The following CAMK1 variants were observed in gnomAD, a reference collection of about 807,000 sequenced individuals.
The protein encoded by CAMK1 is calcium/calmodulin-dependent protein kinase type 1.
A neutral mutation model predicts 49.1 loss-of-function variants in CAMK1; 39 were observed. The ratio of observed to expected loss-of-function variants is 0.79; its 90% CI spans 0.62 to 1.04. The LOEUF (loss-of-function observed/expected upper bound fraction) is 1.04, where lower values mean the gene tolerates loss of function less well. CAMK1 is among the 50% of genes least tolerant of loss of function. The pLI, the probability that CAMK1 is intolerant of heterozygous loss-of-function variation, is 0.00. For missense variants in CAMK1, 457 were observed against 472.2 expected, an observed-to-expected ratio of 0.97 and a Z score of 0.30; for synonymous variants, 192 against 185.2, an observed-to-expected ratio of 1.04 and a Z score of -0.30.
In CAMK1 at chr3:9,760,678, G is replaced by A; in HGVS notation, c.723C>T (p.Tyr241=). The change falls in exon 8 of 12, where the codon TAC becomes TAT. Residue 241 remains tyrosine (Y), a synonymous_variant. Transcript: ENST00000256460. ...TACCAGAGTCAGAGATGTCGTCCCA[G>A]TAAGGAGAGTCAAACTCGTACTCGG... The part of the protein sequence containing the change: ...LKAEYEFDSP[Y]WDDISDSAKD... The A allele has an allele frequency of 6.2e-7, 1 of 1,614,088 alleles. No homozygotes were observed. The highest frequency in any genetic ancestry group is 1.1e-5 in the South Asian group (1 of 91,090).
intron 5 of CAMK1, 152 bp from the exon 6 acceptor site, chr3:9,761,909 A>G: frequency 8.2e-7 from 1 of 1,218,190 alleles, no homozygotes. Flanking sequence ...GAAGCTCTCA[A>G]GAAGGCCAAA....
At position 9,768,875 on chromosome 3, in the gene CAMK1, G is replaced by A. The variant is rs2078229597; in HGVS notation, c.-33+957C>T. Among the ~76,000 whole-genome samples, 3 of 152,072 alleles carry A rather than the reference G, an allele frequency of 2.0e-5. No homozygotes were observed. The South Asian group carries it at 6.2e-4, about 32-fold the overall frequency. On this transcript the variant is annotated intron_variant, in intron 1 of 11. Transcript: ENST00000256460. Reference sequence around the variant, plus strand: ...AGGGGACCCTGCCCACCCATCCAGGGGCAGAATCTTCTAGGAAAGGAGACT... The same window carrying A: ...AGGGGACCCTGCCCACCCATCCAGGAGCAGAATCTTCTAGGAAAGGAGACT...
chr3:9,766,267 T>C, intron 2 of CAMK1: 2 of 705,310 alleles, frequency 2.8e-6, no homozygotes, highest in East Asian at 5.4e-5. Context: ...AATGGCCAAA[T>C]ATATTTCCTG....
At chr3:9,765,278 G>T (rs1267356068) in intron 3 of CAMK1, among the ~76,000 whole-genome samples, 1 of 151,998 alleles carries the variant, frequency 6.6e-6, no homozygotes, top group East Asian at 1.9e-4. Context: ...TCAGGGGAGA[G>T]ATTGGAAGTG....
At chr3:9,769,252 C>G (rs529437741) in intron 1 of CAMK1, among the ~76,000 whole-genome samples, 189 of 152,128 alleles carry the variant, frequency 1.2e-3, no homozygotes, top group Non-Finnish European at 2.0e-3. Context: ...CAGACACACA[C>G]ACACACACCC....
Position 9,766,617 on chromosome 3 carries a change from C to T in CAMK1, c.84-727G>A, listed in dbSNP as rs571149006. The T allele has an allele frequency of 7.1e-5, 74 of 1,040,720 alleles. No individual in the cohort carries two copies. In the Admixed American group the frequency reaches 1.5e-3, roughly 21 times the overall value. 64.5% of individuals were successfully genotyped at this position (1,040,720 alleles called of 1,614,324 possible). On this transcript the variant is annotated intron_variant, in intron 2 of 11. Transcript: ENST00000256460. The stretch of plus-strand genomic sequence containing the variant: ...AAGAAGCAGTGTTTTAGAACAGGTT[C>T]TTAAAAAGGAACAAATAAACTCATT...
chr3:9,764,628 GTTTTTT>G (rs55972033), intron 3 of CAMK1, among the ~76,000 whole-genome samples: 2 of 92,326 alleles, frequency 2.2e-5, no homozygotes, highest in African/African-American at 4.3e-5. Context: ...TTTTTTTTTT[GTTTTTT>G]TTTTTTTTTT....
In CAMK1 at chr3:9,760,781, A is replaced by G; in HGVS notation, c.633-13T>C. On this transcript the variant is annotated splice_polypyrimidine_tract_variant and intron_variant, in intron 7 of 11. Coordinates refer to ENST00000256460, the MANE Select transcript of CAMK1 (RefSeq NM_003656.5). ...GTAACCGCAGAGCCTGGGCAGGGAG[A>G]AACTCATCCTCATTTCCACTTTCGG... 4 of 1,613,872 alleles carry G rather than the reference A, an allele frequency of 2.5e-6. No homozygotes were observed. The highest frequency in any genetic ancestry group is 3.4e-6 in the Non-Finnish European group (4 of 1,179,846).
chr3:9,759,631 C>G (rs748549507), intron 9 of CAMK1, 41 bp downstream of exon 9: 1 of 1,613,994 alleles, frequency 6.2e-7, no homozygotes. Flanking sequence ...ACCTGAGGGC[C>G]CCAAATCCCG....
chr3:9,760,684 A>G lies in CAMK1; in HGVS notation c.717T>C (p.Ser239=). 6.2e-7 allele frequency: 1 copy of G among 1,614,066 alleles called. No individual in the cohort carries two copies. Among genetic ancestry groups the G allele is most frequent in the Non-Finnish European group, 8.5e-7 (1 of 1,179,982 alleles). The change falls in exon 8 of 12, where the codon TCT becomes TCC. Residue 239 remains serine, a synonymous_variant. Transcript: ENST00000256460. ...AGTCAGAGATGTCGTCCCAGTAAGG[A>G]GAGTCAAACTCGTACTCGGCCTTCA... ...QILKAEYEFD[S]PYWDDISDSA...
intron 6 of CAMK1, 39 bp downstream of exon 6, chr3:9,761,592 C>T (rs749295716): frequency 3.1e-6 from 5 of 1,613,418 alleles, no homozygotes; most frequent in Non-Finnish European, 4.2e-6. Context: ...ACTCCTGGTT[C>T]CCCCCACCAT....
chr3:9,768,786 G>A (rs2078227087), intron 1 of CAMK1, among the ~76,000 whole-genome samples: 1 of 152,180 alleles, frequency 6.6e-6, no homozygotes, highest in East Asian at 1.9e-4. Context: ...GGAGAATGAG[G>A]AGAAGGTGCC....
In CAMK1 at chr3:9,760,888, C is replaced by T. The variant is rs994328444; in HGVS notation, c.633-120G>A. The T allele has an allele frequency of 1.1e-5, 16 of 1,424,560 alleles. No homozygotes were observed. The East Asian group carries it at 3.5e-4, about 31-fold the overall frequency. 88.2% of individuals were successfully genotyped at this position (1,424,560 alleles called of 1,614,324 possible). A position where few individuals can be genotyped will look rare whatever the true frequency, so the allele number is the denominator to read the frequency against. On this transcript the variant is annotated intron_variant, in intron 7 of 11. Coordinates refer to ENST00000256460, the MANE Select transcript of CAMK1 (RefSeq NM_003656.5). ...ATGGAAGGAGTTCCCCCTTTATAAA[C>T]TCTACCAGCCCTGCCTGCTCACTCC...
Position 9,761,732 on chromosome 3 carries a change from A to T in CAMK1, c.455T>A (p.Leu152Gln). The stretch of plus-strand genomic sequence containing the variant: ...GATCATGATTTTGGAGTCTTCATCC[A>T]GGCTGTAGTACAGCAGATTCTCTGG... ...LKPENLLYYSLDEDSKIMISD... is the reference protein window; with the variant it reads ...LKPENLLYYSQDEDSKIMISD... The change falls in exon 6 of 12, where the codon CTG becomes CAG. Residue 152 changes from leucine to glutamine, a missense_variant. Physicochemically the swap from Leu to Gln is moderately radical, Grantham distance 113. Transcript: ENST00000256460. 6.2e-7 allele frequency: 1 copy of T among 1,614,142 alleles called. No individual in the cohort carries two copies. Among genetic ancestry groups the T allele is most frequent in the Non-Finnish European group, 8.5e-7 (1 of 1,180,002 alleles).
At chr3:9,765,266 G>T (rs1269915570) in intron 3 of CAMK1, among the ~76,000 whole-genome samples, 3 of 152,028 alleles carry the variant, frequency 2.0e-5, no homozygotes, top group Non-Finnish European at 4.4e-5. Flanking sequence ...GTGGTTGGAA[G>T]CTCAGGGGAG....
At chr3:9,759,846 C>A (rs1559695396) in intron 8 of CAMK1, 96 bp from the exon 9 acceptor site, 1 of 1,605,362 alleles carries the variant, frequency 6.2e-7, no homozygotes, top group Non-Finnish European at 8.5e-7. Flanking sequence ...GGCCTGGCAT[C>A]AAGACAAAGA....
chr3:9,757,790 G>A lies in CAMK1; in HGVS notation c.969C>T (p.Thr323=). The change falls in exon 11 of 12, where the codon ACC becomes ACT. Residue 323 remains threonine (T), a synonymous_variant. Transcript: ENST00000256460. The surrounding 1 kb of genome is among the most constrained non-coding windows in gnomAD (Gnocchi z 4.5). ...CCGTCTGCCCCTGCCCCTCCTGGCT[G>A]GTGCCCAGCTGCAGTTTCCTCATGT... The part of the protein sequence containing the change: ...VRHMRKLQLG[T]SQEGQGQTAS... 1 of 1,613,928 alleles carries A rather than the reference G, an allele frequency of 6.2e-7. No individual in the cohort carries two copies.
At chr3:9,766,009 C>T in intron 2 of CAMK1, 119 bp from the exon 3 acceptor site, 2 of 1,614,114 alleles carry the variant, frequency 1.2e-6, no homozygotes, top group African/African-American at 1.3e-5. Flanking sequence ...ATGACCCTCC[C>T]CTAGTCACTC....
chr3:9,765,110 C>G (rs1349624129), intron 3 of CAMK1, among the ~76,000 whole-genome samples: 2 of 151,530 alleles, frequency 1.3e-5, no homozygotes, highest in African/African-American at 4.9e-5. Flanking sequence ...GCCTGTAATC[C>G]CAGCTACTAG....
Sources: gnomAD v4.1 joint callset for allele counts (sites outside exome capture counted in the v4.1 genomes callset) on GRCh38, gnomAD v4.1.1 for gene constraint, Gnocchi (gnomAD v3.1) non-coding constraint, MANE v1.5 for transcripts, NCBI Gene and HGNC (gene_info 2026-07-23, HGNC 2026-07-21) for gene names.